The following STPG2 variants were observed in gnomAD, a reference collection of about 807,000 sequenced individuals.
STPG2 encodes the protein sperm-tail PG-rich repeat-containing protein 2.
Under a neutral mutation model 54.2 loss-of-function variants are expected in STPG2, and 56 were observed. That is an observed-to-expected ratio of 1.03 (90% CI 0.83 to 1.29). STPG2 has a LOEUF of 1.29. STPG2 is among the 50% of genes most tolerant of loss of function. The probability of loss-of-function intolerance (pLI) is 0.00; values close to 1 mark genes in which losing one functional copy is unlikely to be tolerated. For synonymous variants in STPG2, 200 were observed against 181.8 expected (o/e 1.10, Z -0.81); for missense variants, 596 against 544.9 (o/e 1.09, Z -0.93).
At chr4:97,842,298 T>A (rs1728825147) in intron 8 of STPG2, among the ~76,000 whole-genome samples, 1 of 151,846 alleles carries the variant, frequency 6.6e-6, no homozygotes, top group Admixed American at 6.6e-5. Flanking sequence ...TTTCTTTTTG[T>A]CTGCATCAAG....
At chr4:98,026,333 G>T in intron 5 of STPG2, 2 of 546,778 alleles carry the variant, frequency 3.7e-6, no homozygotes, top group Non-Finnish European at 6.5e-6. Flanking sequence ...AAAAAAAATG[G>T]AGTGTACCGT....
intron 8 of STPG2, among the ~76,000 whole-genome samples, chr4:97,923,709 C>A (rs1732221722): frequency 6.6e-6 from 1 of 152,190 alleles, no homozygotes; most frequent in Admixed American, 6.5e-5. Flanking sequence ...CACCAATCGG[C>A]ACTCTGTATC....
intron 5 of STPG2, among the ~76,000 whole-genome samples, chr4:98,069,246 T>C (rs1578829272): frequency 6.7e-6 from 1 of 150,362 alleles, no homozygotes; most frequent in African/African-American, 2.5e-5. Flanking sequence ...ATATATTCTA[T>C]ACATAATTGA....
intron 4 of STPG2, among the ~76,000 whole-genome samples, chr4:97,494,614 G>A (rs116476945): frequency 0.016 from 2,440 of 151,676 alleles, 63 homozygotes; most frequent in African/African-American, 0.055. Context: ...AGCTGATCCT[G>A]AGGTACCAGC....
chr4:98,044,093 C>T (rs952417327), intron 5 of STPG2, among the ~76,000 whole-genome samples: 6 of 152,068 alleles, frequency 3.9e-5, no homozygotes, highest in Non-Finnish European at 7.4e-5. Context: ...CTCTCCTCCC[C>T]TCACAATATA....
intron 5 of STPG2, among the ~76,000 whole-genome samples, chr4:98,095,459 G>C (rs1296556781): frequency 6.6e-6 from 1 of 152,070 alleles, no homozygotes; most frequent in Non-Finnish European, 1.5e-5. Flanking sequence ...GAGACTGAAA[G>C]TAAAAGGATG....
intron 5 of STPG2, among the ~76,000 whole-genome samples, chr4:97,992,116 AT>A (rs1242440344): frequency 5.9e-5 from 9 of 151,876 alleles, no homozygotes. Context: ...AATCCCATCC[AT>A]TTATCTTTGT....
chr4:97,652,837 T>A lies in STPG2; in HGVS notation c.1320+59862A>T, dbSNP rs1478668539. ...ATAGCTAAGTAGATTACACAACAAC[T>A]CAGTTTACTAATGTTACTAAGGTTG... On this transcript the variant is annotated intron_variant, in intron 10 of 10. Transcript: ENST00000295268. Among the ~76,000 whole-genome samples the A allele has an allele frequency of 2.6e-5, 4 of 151,992 alleles. No homozygotes were observed. In the East Asian group the frequency reaches 7.7e-4, roughly 29 times the overall value.
intron 10 of STPG2, among the ~76,000 whole-genome samples, chr4:97,707,825 A>C (rs1723997413): frequency 6.6e-6 from 1 of 152,172 alleles, no homozygotes; most frequent in African/African-American, 2.4e-5. Context: ...ACCATATCCA[A>C]ATCAAAAGAA....
chr4:97,515,825 TAG>T (rs766496600), intron 4 of STPG2, among the ~76,000 whole-genome samples: 2 of 152,010 alleles, frequency 1.3e-5, no homozygotes, highest in South Asian at 2.1e-4. Context: ...TGTATATATA[TAG>T]AGAGAGAGGT....
chr4:98,073,679 A>G (rs551389172), intron 5 of STPG2, among the ~76,000 whole-genome samples: 1 of 152,318 alleles, frequency 6.6e-6, no homozygotes, highest in East Asian at 1.9e-4. Context: ...GTGAGCCAAG[A>G]TCGTGCCATT....
intron 10 of STPG2, among the ~76,000 whole-genome samples, chr4:97,707,502 C>T (rs1327769115): frequency 1.3e-5 from 2 of 151,878 alleles, no homozygotes; most frequent in Non-Finnish European, 2.9e-5. Flanking sequence ...ACCTGGGCAA[C>T]AGAGTGAGAC....
chr4:97,636,511 TAG>T (rs2148939617), intron 10 of STPG2, among the ~76,000 whole-genome samples: 1 of 146,044 alleles, frequency 6.8e-6, no homozygotes, highest in East Asian at 2.0e-4. Flanking sequence ...CTGAAGGAAA[TAG>T]AGACACAAAA....
chr4:97,709,926 T>C (rs1032784833), intron 10 of STPG2, among the ~76,000 whole-genome samples: 6 of 151,886 alleles, frequency 4.0e-5, no homozygotes, highest in African/African-American at 1.2e-4. Context: ...ATCCTGATTT[T>C]CCATTTTGCT....
chr4:97,785,083 A>G (rs1272459274), intron 9 of STPG2, among the ~76,000 whole-genome samples: 1 of 152,096 alleles, frequency 6.6e-6, no homozygotes, highest in African/African-American at 2.4e-5. Flanking sequence ...CCTTGCCTAG[A>G]TAACAAAAAT....
At chr4:97,995,583 C>A (rs568338287) in intron 5 of STPG2, among the ~76,000 whole-genome samples, 4 of 152,100 alleles carry the variant, frequency 2.6e-5, no homozygotes, top group African/African-American at 9.6e-5. Flanking sequence ...ACTGAGAAAC[C>A]AGGATATTGG....
chr4:97,480,183 C>G (rs1220061500), intron 4 of STPG2, among the ~76,000 whole-genome samples: 1 of 151,462 alleles, frequency 6.6e-6, no homozygotes, highest in Non-Finnish European at 1.5e-5. Flanking sequence ...ATACATTTGA[C>G]AATATATAAA....
intron 5 of STPG2, among the ~76,000 whole-genome samples, chr4:98,094,862 C>A (rs1738801882): frequency 6.6e-6 from 1 of 152,074 alleles, no homozygotes; most frequent in Non-Finnish European, 1.5e-5. Flanking sequence ...GGTAAATTCC[C>A]AAACACGAAA....
intron 10 of STPG2, among the ~76,000 whole-genome samples, chr4:97,595,344 G>A (rs996320986): frequency 3.4e-5 from 5 of 144,958 alleles, no homozygotes; most frequent in African/African-American, 8.7e-5. Context: ...GCGAACTATC[G>A]CAAGGACAAA....
Sources: gnomAD v4.1 joint callset for allele counts (sites outside exome capture counted in the v4.1 genomes callset) on GRCh38, gnomAD v4.1.1 for gene constraint, MANE v1.5 for transcripts, NCBI Gene and HGNC (gene_info 2026-07-23, HGNC 2026-07-21) for gene names.